The following FHIT variants were observed in gnomAD, a reference collection of about 807,000 sequenced individuals.
FHIT encodes bis(5'-adenosyl)-triphosphatase.
A neutral mutation model predicts 17.9 loss-of-function variants in FHIT; 19 were observed. The ratio of observed to expected loss-of-function variants is 1.06; its 90% CI spans 0.74 to 1.56. The LOEUF is 1.56. FHIT is among the 40% of genes most tolerant of loss of function. The pLI, the probability that FHIT is intolerant of heterozygous loss-of-function variation, is 0.00. For synonymous variants in FHIT, 81 were observed against 69.7 expected (o/e 1.16, Z -0.81); for missense variants, 248 against 189.2 (o/e 1.31, Z -1.82).
intron 5 of FHIT, among the ~76,000 whole-genome samples, chr3:60,088,887 T>C (rs1238237480): frequency 1.3e-5 from 2 of 152,134 alleles, no homozygotes; most frequent in African/African-American, 4.8e-5. Flanking sequence ...AGGTACTCAA[T>C]AAATATTTAT....
chr3:60,390,613 C>A (rs1701190942), intron 5 of FHIT, among the ~76,000 whole-genome samples: 1 of 151,944 alleles, frequency 6.6e-6, no homozygotes, highest in African/African-American at 2.4e-5. Flanking sequence ...TCCCTAAAGA[C>A]CTTCCAGTGG....
chr3:59,858,516 G>A (rs1036515117), intron 8 of FHIT, among the ~76,000 whole-genome samples: 4 of 152,000 alleles, frequency 2.6e-5, no homozygotes, highest in African/African-American at 7.2e-5. Context: ...GTGAGCCATC[G>A]TGCCCAGCCT....
At chr3:60,538,363 T>C (rs1056946911) in intron 4 of FHIT, among the ~76,000 whole-genome samples, 12 of 152,242 alleles carry the variant, frequency 7.9e-5, no homozygotes, top group Non-Finnish European at 1.0e-4. Flanking sequence ...GGCCATACTG[T>C]CCAAGGTAAT....
At chr3:59,749,670 C>G (rs1700778975) in intron 9 of FHIT, 91 bp from the exon 10 acceptor site, 1 of 230,374 alleles carries the variant, frequency 4.3e-6, no homozygotes, top group African/African-American at 2.2e-5. Context: ...TGGTTAGCAT[C>G]TGGTGCTCTG....
intron 7 of FHIT, among the ~76,000 whole-genome samples, chr3:59,998,275 G>C (rs1216748426): frequency 2.6e-5 from 4 of 152,144 alleles, no homozygotes; most frequent in African/African-American, 9.7e-5. Context: ...TGCCATGAGA[G>C]GCTTTTTTCC....
chr3:60,056,751 A>C (rs1423587309), intron 5 of FHIT, among the ~76,000 whole-genome samples: 1 of 152,234 alleles, frequency 6.6e-6, no homozygotes, highest in Non-Finnish European at 1.5e-5. Flanking sequence ...AAAATGAAAA[A>C]GGTTTTCTTC....
chr3:60,805,582 G>GTC (rs1475748083), intron 4 of FHIT, among the ~76,000 whole-genome samples: 1 of 151,788 alleles, frequency 6.6e-6, no homozygotes, highest in Non-Finnish European at 1.5e-5. Context: ...TTGAGATGGA[G>GTC]TCTCGCTCTG....
intron 8 of FHIT, among the ~76,000 whole-genome samples, chr3:59,818,729 C>CT (rs1321253312): frequency 2.6e-5 from 4 of 152,198 alleles, no homozygotes; most frequent in African/African-American, 9.7e-5. Flanking sequence ...GCCAGCTCTC[C>CT]TGGACACAGG....
intron 3 of FHIT, among the ~76,000 whole-genome samples, chr3:60,990,052 A>G (rs1410121558): frequency 6.6e-6 from 1 of 152,154 alleles, no homozygotes; most frequent in Admixed American, 6.5e-5. Context: ...TCTTTGCTCC[A>G]CAGGGTACAA....
At chr3:60,173,538 C>T (rs565207250) in intron 5 of FHIT, among the ~76,000 whole-genome samples, 1 of 152,080 alleles carries the variant, frequency 6.6e-6, no homozygotes, top group Non-Finnish European at 1.5e-5. Context: ...TTCTCTGCAA[C>T]AGCTTGTCCT....
intron 5 of FHIT, among the ~76,000 whole-genome samples, chr3:60,047,629 T>C (rs1296169115): frequency 6.6e-6 from 1 of 152,240 alleles, no homozygotes; most frequent in African/African-American, 2.4e-5. Flanking sequence ...AGTGAAACTA[T>C]GACAACCAGA....
At chr3:59,806,663 CATAT>C (rs141582270) in intron 8 of FHIT, among the ~76,000 whole-genome samples, 1 of 21,150 alleles carries the variant, frequency 4.7e-5, no homozygotes, top group African/African-American at 1.5e-4. Flanking sequence ...TATATGTATA[CATAT>C]ATATGTGTAT....
At chr3:60,335,416 C>T (rs1710186545) in intron 5 of FHIT, among the ~76,000 whole-genome samples, 1 of 152,178 alleles carries the variant, frequency 6.6e-6, no homozygotes, top group Non-Finnish European at 1.5e-5. Context: ...CAACAGGTAA[C>T]ATAGCTGATA....
intron 5 of FHIT, among the ~76,000 whole-genome samples, chr3:60,455,916 T>C (rs904907619): frequency 7.9e-5 from 12 of 152,152 alleles, no homozygotes; most frequent in African/African-American, 2.9e-4. Context: ...TAGAAAAATA[T>C]GTTCACCAAA....
rs755629482 is a variant in FHIT at position 59,747,407 on chromosome 3, C to A, written c.*2178G>T. On this transcript the variant is annotated 3_prime_UTR_variant, in exon 10 of 10. Transcript: ENST00000492590. Reference sequence around the variant, plus strand: ...GGAAATGTCCTTTATAAAACCATCACTATCAATCATGAGAACAGCATGGGA... The same window carrying A: ...GGAAATGTCCTTTATAAAACCATCAATATCAATCATGAGAACAGCATGGGA... Among the ~76,000 whole-genome samples, 2 of 152,104 alleles carry A rather than the reference C, an allele frequency of 1.3e-5. No homozygotes were observed. The highest frequency in any genetic ancestry group is 1.5e-5 in the Non-Finnish European group (1 of 68,006).
At chr3:60,084,642 G>C (rs1330932343) in intron 5 of FHIT, among the ~76,000 whole-genome samples, 1 of 152,118 alleles carries the variant, frequency 6.6e-6, no homozygotes, top group Admixed American at 6.5e-5. Flanking sequence ...ATAAAAAGAT[G>C]AGACAGAGAA....
chr3:59,917,685 T>G (rs1705199382), intron 8 of FHIT, among the ~76,000 whole-genome samples: 1 of 152,080 alleles, frequency 6.6e-6, no homozygotes, highest in African/African-American at 2.4e-5. Flanking sequence ...ACAATCTGCT[T>G]TGGAAGGGGG....
intron 3 of FHIT, among the ~76,000 whole-genome samples, chr3:60,852,600 C>T (rs1419811121): frequency 1.3e-5 from 2 of 151,996 alleles, no homozygotes; most frequent in Non-Finnish European, 2.9e-5. Flanking sequence ...TTCCATCACT[C>T]GCTCTAGAAC....
intron 3 of FHIT, among the ~76,000 whole-genome samples, chr3:60,990,379 A>G (rs1183489168): frequency 6.6e-6 from 1 of 152,236 alleles, no homozygotes; most frequent in Non-Finnish European, 1.5e-5. Flanking sequence ...AACCCCACGC[A>G]TTGAGCAGAA....
Sources: gnomAD v4.1 joint callset for allele counts (sites outside exome capture counted in the v4.1 genomes callset) on GRCh38, gnomAD v4.1.1 for gene constraint, MANE v1.5 for transcripts, NCBI Gene and HGNC (gene_info 2026-07-23, HGNC 2026-07-21) for gene names.